Variants in RNF152 observed in about 807,000 individuals in gnomAD.
RNF152 encodes the protein E3 ubiquitin-protein ligase RNF152.
In RNF152, 11 loss-of-function variants were observed where a neutral mutation model predicts 12.7. The ratio of observed to expected loss-of-function variants is 0.86; its 90% CI spans 0.54 to 1.43. RNF152 has a LOEUF of 1.43. RNF152 is among the 40% of genes most tolerant of loss of function. RNF152 has a pLI of 0.00. For synonymous variants in RNF152, 113 were observed against 120.3 expected (o/e 0.94, Z 0.40); for missense variants, 255 against 274.8 (o/e 0.93, Z 0.51).
chr18:61,866,002 T>C (rs997418469), intron 1 of RNF152, among the ~76,000 whole-genome samples: 1 of 152,204 alleles, frequency 6.6e-6, no homozygotes, highest in African/African-American at 2.4e-5. Context: ...TTATTCTGCC[T>C]CCTAAAATTT....
intron 1 of RNF152, among the ~76,000 whole-genome samples, chr18:61,855,546 G>T (rs762498153): frequency 6.6e-6 from 1 of 152,212 alleles, no homozygotes; most frequent in South Asian, 2.1e-4. Flanking sequence ...GTGGATGCCC[G>T]CAGTAGAAGC....
intron 1 of RNF152, among the ~76,000 whole-genome samples, chr18:61,874,518 G>A (rs114501728): frequency 6.6e-6 from 1 of 152,324 alleles, no homozygotes; most frequent in Non-Finnish European, 1.5e-5. Context: ...TCCTTAAGGA[G>A]GCAGAACTAG....
chr18:61,873,375 T>C (rs1344543962), intron 1 of RNF152, among the ~76,000 whole-genome samples: 1 of 152,248 alleles, frequency 6.6e-6, no homozygotes, highest in Non-Finnish European at 1.5e-5. Context: ...TTTCGCTCTG[T>C]TGCCCAAGCT....
At chr18:61,864,728 C>T (rs959570409) in intron 1 of RNF152, among the ~76,000 whole-genome samples, 3 of 152,196 alleles carry the variant, frequency 2.0e-5, no homozygotes, top group Non-Finnish European at 4.4e-5. Context: ...AGAGTCATCT[C>T]ATTAGCATAA....
intron 1 of RNF152, among the ~76,000 whole-genome samples, chr18:61,847,813 C>T (rs763518731): frequency 1.3e-4 from 20 of 152,072 alleles, no homozygotes; most frequent in African/African-American, 1.9e-4. Flanking sequence ...GCCTTCACAC[C>T]TACTCTTCCC....
chr18:61,865,527 A>C (rs558930974), intron 1 of RNF152, among the ~76,000 whole-genome samples: 1 of 152,300 alleles, frequency 6.6e-6, no homozygotes, highest in East Asian at 1.9e-4. Flanking sequence ...CAAAAAACGC[A>C]ATACTATTTG....
rs146475727 is a variant in RNF152 at position 61,837,335 on chromosome 18, C to T, written c.-135-20737G>A. 5.1e-3 allele frequency among the ~76,000 whole-genome samples: 779 copies of T among 152,192 alleles called. 2 individuals carry two copies. The highest frequency in any genetic ancestry group is 8.6e-3 in the Non-Finnish European group (587 of 68,012). On this transcript the variant is annotated intron_variant, in intron 1 of 1. Coordinates refer to ENST00000312828, the MANE Select transcript of RNF152 (RefSeq NM_173557.3). Reference sequence around the variant, plus strand: ...AGTGGGGAAAATGCCCAAAGTGATACAAGGCATTTTAAAATATGAACTGCA... The same window carrying T: ...AGTGGGGAAAATGCCCAAAGTGATATAAGGCATTTTAAAATATGAACTGCA...
intron 1 of RNF152, among the ~76,000 whole-genome samples, chr18:61,870,490 C>G (rs78691769): frequency 1.3e-5 from 2 of 152,140 alleles, no homozygotes; most frequent in African/African-American, 2.4e-5. Context: ...TGCTGTCCCT[C>G]GAGAGAAGGC....
chr18:61,878,776 G>A (rs1357126906), intron 1 of RNF152, among the ~76,000 whole-genome samples: 1 of 152,114 alleles, frequency 6.6e-6, no homozygotes. Context: ...GCCTCTTCGG[G>A]CATTAATCCC....
intron 1 of RNF152, among the ~76,000 whole-genome samples, chr18:61,889,162 C>T (rs1912833431): frequency 1.3e-5 from 2 of 152,120 alleles, no homozygotes; most frequent in African/African-American, 4.8e-5. Flanking sequence ...TACATCTTAT[C>T]ACTTGAATGA....
intron 1 of RNF152, among the ~76,000 whole-genome samples, chr18:61,822,293 A>G (rs994997407): frequency 2.6e-5 from 4 of 152,212 alleles, no homozygotes; most frequent in African/African-American, 9.6e-5. Flanking sequence ...ACATAGTTAC[A>G]TAAATAATAT....
chr18:61,820,981 T>C (rs1909377944), intron 1 of RNF152, among the ~76,000 whole-genome samples: 1 of 152,196 alleles, frequency 6.6e-6, no homozygotes, highest in Non-Finnish European at 1.5e-5. Flanking sequence ...GGGATCCACA[T>C]ACTTCCACAC....
intron 1 of RNF152, among the ~76,000 whole-genome samples, chr18:61,872,443 C>G (rs1177966714): frequency 6.6e-6 from 1 of 152,200 alleles, no homozygotes; most frequent in East Asian, 1.9e-4. Context: ...ATCTTACTAT[C>G]AGAGCCAAAA....
At chr18:61,860,292 G>A (rs1216706723) in intron 1 of RNF152, among the ~76,000 whole-genome samples, 1 of 152,138 alleles carries the variant, frequency 6.6e-6, no homozygotes, top group African/African-American at 2.4e-5. Context: ...CATCTAAGGG[G>A]GAAGCAAGCA....
chr18:61,870,197 T>C (rs1911927514), intron 1 of RNF152, among the ~76,000 whole-genome samples: 1 of 152,142 alleles, frequency 6.6e-6, no homozygotes, highest in Non-Finnish European at 1.5e-5. Flanking sequence ...TGTGTCGGGA[T>C]GGGGGTGTGG....
At chr18:61,856,981 G>A (rs1911254922) in intron 1 of RNF152, among the ~76,000 whole-genome samples, 1 of 152,186 alleles carries the variant, frequency 6.6e-6, no homozygotes, top group Non-Finnish European at 1.5e-5. Flanking sequence ...TAGATACAGA[G>A]CTATTACCCA....
chr18:61,833,500 C>T (rs1458107296), intron 1 of RNF152, among the ~76,000 whole-genome samples: 3 of 152,156 alleles, frequency 2.0e-5, no homozygotes, highest in East Asian at 1.9e-4. Flanking sequence ...TTTTAATTGT[C>T]GAAACTCCTC....
Position 61,816,297 on chromosome 18 carries a change from C to A in RNF152, c.167G>T (p.Gly56Val), listed in dbSNP as rs766666716. The A allele has an allele frequency of 6.2e-7, 1 of 1,614,082 alleles. No homozygotes were observed. Among genetic ancestry groups the A allele is most frequent in the African/African-American group, 1.3e-5 (1 of 74,934 alleles). The change falls in exon 2 of 2, where the codon GGT (glycine) becomes GTT (valine). Residue 56 changes from glycine to valine, a missense_variant. Coordinates refer to ENST00000312828, the MANE Select transcript of RNF152 (RefSeq NM_173557.3). Reference protein sequence around the residue: ...QKDVRCPWCRGVTKLPPGFSV... With the variant: ...QKDVRCPWCRVVTKLPPGFSV... ...GAAGCCGGGAGGCAGCTTGGTGACA[C>A]CGCGGCACCAGGGGCACCGCACATC...
At chr18:61,863,278 CA>C (rs1256264275) in intron 1 of RNF152, among the ~76,000 whole-genome samples, 1 of 151,654 alleles carries the variant, frequency 6.6e-6, no homozygotes, top group Non-Finnish European at 1.5e-5. Context: ...ACTAAAAATA[CA>C]AAAAAATTAG....
Sources: allele counts gnomAD v4.1 joint callset (sites outside exome capture counted in the v4.1 genomes callset), GRCh38; gene constraint gnomAD v4.1.1; transcripts MANE v1.5; gene names NCBI Gene and HGNC (gene_info 2026-07-23, HGNC 2026-07-21).